Variants in ZC3H7B observed in about 807,000 individuals in gnomAD.
ZC3H7B encodes the protein zinc finger CCCH domain-containing protein 7B.
Under a neutral mutation model 116.0 loss-of-function variants are expected in ZC3H7B, and 35 were observed. The ratio of observed to expected loss-of-function variants is 0.30; its 90% CI spans 0.23 to 0.40. The LOEUF (loss-of-function observed/expected upper bound fraction) is 0.40, where lower values mean the gene tolerates loss of function less well. Among genes scored for constraint, ZC3H7B ranks in the 10% least tolerant of loss-of-function variants. ZC3H7B has a pLI of 1.00. For synonymous variants in ZC3H7B, 502 were observed against 545.6 expected, an observed-to-expected ratio of 0.92 and a Z score of 1.11; for missense variants, 1,011 against 1,321.5, an observed-to-expected ratio of 0.77 and a Z score of 3.64.
chr22:41,356,527 A>C, intron 21 of ZC3H7B, 51 bp downstream of exon 21: 1 of 1,611,698 alleles, frequency 6.2e-7, no homozygotes, highest in Non-Finnish European at 8.5e-7. Flanking sequence ...CTGTGGTCTG[A>C]GCCTCACCTG....
Position 41,349,116 on chromosome 22 carries a change from C to T in ZC3H7B, c.1767-4C>T. On this transcript the variant is annotated splice_region_variant and splice_polypyrimidine_tract_variant and intron_variant, in intron 15 of 22. Coordinates refer to ENST00000352645, the MANE Select transcript of ZC3H7B (RefSeq NM_017590.6). The surrounding 1 kb of genome is among the most constrained non-coding windows in gnomAD (Gnocchi z 4.9). The stretch of plus-strand genomic sequence containing the variant: ...CGTGCCCCTCCTGCCTGCCCGCCCG[C>T]CAGGTGCCTGGTGCACATCGTCCGC... 6.2e-7 allele frequency: 1 copy of T among 1,613,398 alleles called. No homozygotes were observed. The highest frequency in any genetic ancestry group is 8.5e-7 in the Non-Finnish European group (1 of 1,179,894).
At chr22:41,318,623 C>T (rs1055895038) in intron 1 of ZC3H7B, among the ~76,000 whole-genome samples, 1 of 151,848 alleles carries the variant, frequency 6.6e-6, no homozygotes, top group Non-Finnish European at 1.5e-5. Context: ...GTGGCGCGCG[C>T]CTGTGATCTC....
intron 1 of ZC3H7B, among the ~76,000 whole-genome samples, chr22:41,317,656 G>A (rs2036201345): frequency 6.6e-6 from 1 of 152,070 alleles, no homozygotes. Flanking sequence ...AATTAGCCAT[G>A]TGTGGTGGTC....
At chr22:41,336,994 GGCATGGTGGCGCAT>G (rs2145926070) in intron 7 of ZC3H7B, among the ~76,000 whole-genome samples, 1 of 152,148 alleles carries the variant, frequency 6.6e-6, no homozygotes, top group South Asian at 2.1e-4. Context: ...AAATTAGCCA[GGCATGGTGGCGCAT>G]GCCTGTAATC....
chr22:41,350,495 T>A (rs533218047), intron 16 of ZC3H7B, among the ~76,000 whole-genome samples: 7 of 152,030 alleles, frequency 4.6e-5, no homozygotes, highest in African/African-American at 1.7e-4. Context: ...AGGGTGGTGA[T>A]GCTGGAGGTG....
chr22:41,324,881 T>A (rs1047267172), intron 2 of ZC3H7B, among the ~76,000 whole-genome samples: 1 of 152,182 alleles, frequency 6.6e-6, no homozygotes, highest in Admixed American at 6.5e-5. Flanking sequence ...ACACTCATAC[T>A]TCCTGCCTTT....
rs2036723191 is a variant in ZC3H7B at position 41,356,701 on chromosome 22, G to A, written c.2574G>A (p.Gln858=). 3 of 1,613,694 alleles carry A rather than the reference G, an allele frequency of 1.9e-6. No homozygotes were observed. Among genetic ancestry groups the A allele is most frequent in the Non-Finnish European group, 2.5e-6 (3 of 1,180,018 alleles). ...ACAGCAACAGCAAGAAGCAGTGGCA[G>A]CAGCACATCCAGTCCGAGAAGCACA... ...GKNSNSKKQW[Q]QHIQSEKHKE... The change falls in exon 22 of 23, where the codon CAG becomes CAA. Residue 858 remains glutamine (Q), a synonymous_variant. Coordinates refer to ENST00000352645, the MANE Select transcript of ZC3H7B (RefSeq NM_017590.6).
chr22:41,348,238 C>T, intron 15 of ZC3H7B, 71 bp downstream of exon 15: 1 of 1,395,912 alleles, frequency 7.2e-7, no homozygotes, highest in African/African-American at 1.4e-5. Flanking sequence ...GCTCAGATGG[C>T]TGAGGAAAGG....
chr22:41,338,631 C>A lies in ZC3H7B; in HGVS notation c.625+276C>A, dbSNP rs1335046952. 6.6e-6 allele frequency among the ~76,000 whole-genome samples: 1 copy of A among 152,196 alleles called. No individual in the cohort carries two copies. The highest frequency in any genetic ancestry group is 1.5e-5 in the Non-Finnish European group (1 of 68,028). ...CTCCTGGCTGCCTGCACACCCCCAC[C>A]TCTTCCAAAGCCCTTTCCCCTCCTC... On this transcript the variant is annotated intron_variant, in intron 8 of 22. Coordinates refer to ENST00000352645, the MANE Select transcript of ZC3H7B (RefSeq NM_017590.6). The surrounding 1 kb of genome is among the most constrained non-coding windows in gnomAD (Gnocchi z 4.5).
chr22:41,307,477 G>A (rs898377620), intron 1 of ZC3H7B, among the ~76,000 whole-genome samples: 1 of 152,180 alleles, frequency 6.6e-6, no homozygotes, highest in South Asian at 2.1e-4. Flanking sequence ...CCCAGAGGGA[G>A]GGACATTCCT....
Position 41,339,051 on chromosome 22 carries a change from A to G in ZC3H7B, c.676A>G (p.Thr226Ala), listed in dbSNP as rs751125574. Residue 226 changes from threonine to alanine, a missense_variant, in exon 9 of 23, where the codon ACG becomes GCG. Transcript: ENST00000352645. ...GSPALLPSTP[T>A]MPLFPHVLDL... Reference sequence around the variant, plus strand: ...CCCAGCCCTTCTCCCCTCCACGCCCACGATGCCCCTGTTCCCTCACGTTCT... The same window carrying G: ...CCCAGCCCTTCTCCCCTCCACGCCCGCGATGCCCCTGTTCCCTCACGTTCT... 2 of 1,607,676 alleles carry G rather than the reference A, an allele frequency of 1.2e-6. No individual in the cohort carries two copies. The highest frequency in any genetic ancestry group is 2.2e-5 in the South Asian group (2 of 89,988).
At chr22:41,307,612 T>C (rs1004108149) in intron 1 of ZC3H7B, among the ~76,000 whole-genome samples, 1 of 152,202 alleles carries the variant, frequency 6.6e-6, no homozygotes, top group African/African-American at 2.4e-5. Context: ...ATCACCCATA[T>C]AGCAGCACAT....
chr22:41,330,448 A>T (rs1218791707), intron 6 of ZC3H7B, among the ~76,000 whole-genome samples: 1 of 152,158 alleles, frequency 6.6e-6, no homozygotes, highest in Non-Finnish European at 1.5e-5. Flanking sequence ...AAGTGTTGGT[A>T]TCTGTTTGGC....
chr22:41,319,853 A>G (rs2036232033), intron 1 of ZC3H7B, among the ~76,000 whole-genome samples: 1 of 150,984 alleles, frequency 6.6e-6, no homozygotes, highest in African/African-American at 2.4e-5. Context: ...ACATAATGAA[A>G]CCCTGTCTCT....
intron 1 of ZC3H7B, among the ~76,000 whole-genome samples, chr22:41,316,485 A>G (rs1312356993): frequency 6.7e-6 from 1 of 148,770 alleles, no homozygotes; most frequent in Non-Finnish European, 1.5e-5. Context: ...TAGTAGAGAC[A>G]GGGTTTCACC....
chr22:41,317,866 C>A (rs983297015), intron 1 of ZC3H7B, among the ~76,000 whole-genome samples: 3 of 152,120 alleles, frequency 2.0e-5, no homozygotes, highest in African/African-American at 4.8e-5. Flanking sequence ...GGTCTCCTGA[C>A]GCATTGTTAA....
chr22:41,343,108 G>A (rs2036541936), intron 12 of ZC3H7B, among the ~76,000 whole-genome samples: 3 of 152,196 alleles, frequency 2.0e-5, no homozygotes, highest in Admixed American at 1.3e-4. Flanking sequence ...GGAAGGCAGA[G>A]GTTGCAGTGA....
chr22:41,318,460 C>T (rs1249170417), intron 1 of ZC3H7B, among the ~76,000 whole-genome samples: 20 of 137,092 alleles, frequency 1.5e-4, no homozygotes, highest in Admixed American at 9.2e-4. Flanking sequence ...ACCTGGGAGG[C>T]GGAGCGTGCA....
intron 13 of ZC3H7B, among the ~76,000 whole-genome samples, chr22:41,345,099 G>A (rs2036567878): frequency 6.6e-6 from 1 of 152,112 alleles, no homozygotes; most frequent in African/African-American, 2.4e-5. Flanking sequence ...ACAGGCATGA[G>A]CCACCATGTC....
Sources: gnomAD v4.1 joint callset for allele counts (sites outside exome capture counted in the v4.1 genomes callset) on GRCh38, gnomAD v4.1.1 for gene constraint, Gnocchi (gnomAD v3.1) non-coding constraint, MANE v1.5 for transcripts, NCBI Gene and HGNC (gene_info 2026-07-23, HGNC 2026-07-21) for gene names.